Variants in DHX57 observed in about 807,000 individuals in gnomAD.
DHX57 encodes DExH-box helicase 57.
A neutral mutation model predicts 156.2 loss-of-function variants in DHX57; 105 were observed. The observed-to-expected ratio is 0.67, with a 90% CI of 0.57 to 0.79. The LOEUF (loss-of-function observed/expected upper bound fraction) is 0.79, where lower values mean the gene tolerates loss of function less well. DHX57 is among the 30% of genes least tolerant of loss of function. DHX57 has a pLI of 0.00. For missense variants in DHX57, 1,847 were observed against 1,661.9 expected, an observed-to-expected ratio of 1.11 and a Z score of -1.94; for synonymous variants, 704 against 595.6, an observed-to-expected ratio of 1.18 and a Z score of -2.65.
At chr2:38,831,917 G>A (rs781323290) in intron 13 of DHX57, among the ~76,000 whole-genome samples, 1 of 151,882 alleles carries the variant, frequency 6.6e-6, no homozygotes, top group Non-Finnish European at 1.5e-5. Context: ...AGTTACTCAG[G>A]AGGCTGAGAT....
intron 8 of DHX57, 173 bp from the exon 9 acceptor site, chr2:38,854,351 T>A (rs1672768783): frequency 5.8e-6 from 3 of 513,716 alleles, no homozygotes; most frequent in Admixed American, 3.5e-5. Context: ...AATAAAAGCC[T>A]TTCTACTTCA....
intron 13 of DHX57, among the ~76,000 whole-genome samples, chr2:38,829,427 A>G (rs3112151): frequency 0.98 from 149,274 of 151,960 alleles, 73,375 homozygotes; most frequent in Middle Eastern, 1. Context: ...GATTACAGGC[A>G]CACGCCAGCT....
chr2:38,806,596 C>G lies in DHX57; in HGVS notation c.3779G>C (p.Gly1260Ala). Residue 1260 changes from glycine to alanine, a missense_variant, in exon 22 of 24, where the codon GGA (glycine) becomes GCA (alanine). Physicochemically the swap from Gly to Ala is moderately conservative, Grantham distance 60. Coordinates refer to ENST00000457308, the MANE Select transcript of DHX57 (RefSeq NM_198963.3). ...AELKFVTKND[G>A]YVHIHPSSVN... The stretch of plus-strand genomic sequence containing the variant: ...TGATGAAGGGTGAATGTGTACATAT[C>G]CATCGTTCTTGGTGACAAACTTCAA... The G allele has an allele frequency of 6.2e-7, 1 of 1,614,094 alleles. No homozygotes were observed. The highest frequency in any genetic ancestry group is 8.5e-7 in the Non-Finnish European group (1 of 1,180,016).
In DHX57 at chr2:38,856,506, T is replaced by TC. The variant is rs757691945; in HGVS notation, c.1588-46_1588-45insG. On this transcript the variant is annotated intron_variant, in intron 6 of 23. Transcript: ENST00000457308. Reference sequence around the variant, plus strand: ...GATATCAGTTGGGTTACTTTTTCTTTTTTTTTTTTTTTTTTTGAGACAGGG... The same window carrying TC: ...GATATCAGTTGGGTTACTTTTTCTTTCTTTTTTTTTTTTTTTTGAGACAGGG... The TC allele has an allele frequency of 7.5e-5, 62 of 823,278 alleles. No individual in the cohort carries two copies. In the East Asian group the frequency reaches 1.1e-3, roughly 15 times the overall value. 51.0% of individuals were successfully genotyped at this position (823,278 alleles called of 1,614,324 possible). A position where few individuals can be genotyped will look rare whatever the true frequency, so the allele number is the denominator to read the frequency against.
At chr2:38,858,868 T>C (rs1435497998) in intron 5 of DHX57, 32 bp from the exon 6 acceptor site, 3 of 1,580,532 alleles carry the variant, frequency 1.9e-6, no homozygotes, top group Admixed American at 2.0e-5. Flanking sequence ...CATTTCAGTA[T>C]GGAGCCCTTT....
chr2:38,854,851 C>T (rs2373469), intron 8 of DHX57: 10 of 462,176 alleles, frequency 2.2e-5, no homozygotes, highest in Admixed American at 3.4e-5. Flanking sequence ...TGTGAGCCAC[C>T]GCGCCTGGCC....
At chr2:38,824,885 G>T (rs916700210) in intron 16 of DHX57, among the ~76,000 whole-genome samples, 9 of 152,218 alleles carry the variant, frequency 5.9e-5, no homozygotes, top group African/African-American at 2.2e-4. Context: ...TTGACCTCAG[G>T]TGATCTGCCT....
intron 22 of DHX57, 152 bp from the exon 23 acceptor site, chr2:38,803,067 A>T: frequency 1.4e-6 from 1 of 692,346 alleles, no homozygotes; most frequent in East Asian, 2.7e-5. Flanking sequence ...TCTGCAGTAT[A>T]ACTATTGACT....
chr2:38,833,227 C>G (rs925928477), intron 13 of DHX57, among the ~76,000 whole-genome samples: 7 of 152,002 alleles, frequency 4.6e-5, no homozygotes, highest in Non-Finnish European at 1.0e-4. Flanking sequence ...ACTGCAACCT[C>G]CGCCTCCTGG....
intron 9 of DHX57, among the ~76,000 whole-genome samples, chr2:38,852,540 C>G (rs571921726): frequency 1.3e-5 from 2 of 151,316 alleles, no homozygotes; most frequent in Non-Finnish European, 2.9e-5. Flanking sequence ...ATCCACATGA[C>G]AAACTATGAT....
At chr2:38,871,121 T>C (rs1033230356) in intron 1 of DHX57, among the ~76,000 whole-genome samples, 7 of 152,122 alleles carry the variant, frequency 4.6e-5, no homozygotes, top group African/African-American at 1.7e-4. Flanking sequence ...GTAAAGGTAA[T>C]TGAGTAATTA....
At chr2:38,836,775 C>CAAAAAAAAAAAAAA (rs964200602) in intron 13 of DHX57, among the ~76,000 whole-genome samples, 1 of 42,458 alleles carries the variant, frequency 2.4e-5, no homozygotes. Context: ...GACCCTGTCT[C>CAAAAAAAAAAAAAA]AAAAAAAAAA....
chr2:38,844,613 G>A (rs1386627875), intron 11 of DHX57, among the ~76,000 whole-genome samples: 4 of 2,930 alleles, frequency 1.4e-3, no homozygotes, highest in African/African-American at 1.4e-3. Flanking sequence ...CTGGGCGACA[G>A]AGCGAGACTC....
At chr2:38,870,966 A>G (rs1416513807) in intron 1 of DHX57, among the ~76,000 whole-genome samples, 1 of 152,218 alleles carries the variant, frequency 6.6e-6, no homozygotes, top group East Asian at 1.9e-4. Context: ...AAATGAAGGT[A>G]AAATGAAAAC....
intron 13 of DHX57, among the ~76,000 whole-genome samples, chr2:38,834,691 C>T (rs1671563550): frequency 6.6e-6 from 1 of 152,100 alleles, no homozygotes; most frequent in Non-Finnish European, 1.5e-5. Context: ...AGAGAAAAGT[C>T]ATGACATCAC....
rs200740675 is a variant in DHX57 at position 38,861,808 on chromosome 2, G to T, written c.602C>A (p.Ala201Glu). Residue 201 changes from alanine to glutamate, a missense_variant, in exon 5 of 24, where the codon GCG (alanine) becomes GAG (glutamate). By Grantham distance (107) the Ala-to-Glu change is moderately radical. Coordinates refer to ENST00000457308, the MANE Select transcript of DHX57 (RefSeq NM_198963.3). ...ATCTCCATCACACATCCTCAGGACC[G>T]CTTGACAGCGTTCAGTATTGAAACC... is the stretch of plus-strand genomic sequence containing the variant. Reference protein sequence around the residue: ...RYGFNTERCQAVLRMCDGDVG... With the variant: ...RYGFNTERCQEVLRMCDGDVG... The T allele has an allele frequency of 1.9e-6, 3 of 1,610,820 alleles. No homozygotes were observed. The South Asian group carries it at 3.3e-5, about 18-fold the overall frequency.
intron 17 of DHX57, among the ~76,000 whole-genome samples, chr2:38,820,901 C>T (rs1402011438): frequency 6.8e-6 from 1 of 147,084 alleles, no homozygotes; most frequent in African/African-American, 2.5e-5. Flanking sequence ...GGCAGACTGA[C>T]ACTCTACCCA....
At chr2:38,859,280 A>C (rs980111473) in intron 5 of DHX57, among the ~76,000 whole-genome samples, 10 of 152,190 alleles carry the variant, frequency 6.6e-5, no homozygotes, top group Admixed American at 4.6e-4. Context: ...CATCTCAAAA[A>C]GCTGCATATT....
chr2:38,822,529 G>T (rs1207824143), intron 17 of DHX57, among the ~76,000 whole-genome samples: 2 of 151,964 alleles, frequency 1.3e-5, no homozygotes, highest in African/African-American at 4.8e-5. Flanking sequence ...AAGTAGTTGG[G>T]ACTACATGTG....
Sources: allele counts gnomAD v4.1 joint callset (sites outside exome capture counted in the v4.1 genomes callset), GRCh38; gene constraint gnomAD v4.1.1; transcripts MANE v1.5; gene names NCBI Gene and HGNC (gene_info 2026-07-23, HGNC 2026-07-21).